The following DTNB variants were observed in gnomAD, a reference collection of about 807,000 sequenced individuals.
DTNB encodes the protein DTN-B.
Under a neutral mutation model 90.7 loss-of-function variants are expected in DTNB, and 63 were observed. The ratio of observed to expected loss-of-function variants is 0.69; its 90% CI spans 0.57 to 0.86. The LOEUF is 0.86. Among genes scored for constraint, DTNB ranks in the 40% least tolerant of loss-of-function variants. DTNB has a pLI of 0.00. For missense variants in DTNB, 744 were observed against 807.1 expected, an observed-to-expected ratio of 0.92 and a Z score of 0.95; for synonymous variants, 277 against 286.7, an observed-to-expected ratio of 0.97 and a Z score of 0.34.
At chr2:25,484,979 T>C (rs1428702520) in intron 9 of DTNB, among the ~76,000 whole-genome samples, 1 of 152,214 alleles carries the variant, frequency 6.6e-6, no homozygotes, top group Non-Finnish European at 1.5e-5. Context: ...AGTTCTCTTA[T>C]ATCAATTGTC....
At chr2:25,510,019 G>A (rs1019035931) in intron 9 of DTNB, among the ~76,000 whole-genome samples, 1 of 151,892 alleles carries the variant, frequency 6.6e-6, no homozygotes, top group Non-Finnish European at 1.5e-5. Context: ...TCAAAGTGCT[G>A]GGATTACAGG....
chr2:25,591,848 A>C (rs2063627660), intron 6 of DTNB, among the ~76,000 whole-genome samples: 2 of 151,868 alleles, frequency 1.3e-5, no homozygotes, highest in Admixed American at 1.3e-4. Context: ...ATCACCTGAG[A>C]TCAGGAGGTC....
chr2:25,460,562 GA>G (rs552722609), intron 10 of DTNB, among the ~76,000 whole-genome samples: 173 of 152,106 alleles, frequency 1.1e-3, no homozygotes, highest in Non-Finnish European at 1.7e-3. Context: ...GAAGAAATGA[GA>G]AAAACTAGGA....
At chr2:25,470,428 T>C (rs911025308) in intron 10 of DTNB, among the ~76,000 whole-genome samples, 1 of 147,460 alleles carries the variant, frequency 6.8e-6, no homozygotes, top group Non-Finnish European at 1.5e-5. Context: ...CAGGCTGGAG[T>C]GCAGTGGTGT....
intron 9 of DTNB, among the ~76,000 whole-genome samples, chr2:25,489,401 A>G (rs1262540536): frequency 6.6e-6 from 1 of 152,236 alleles, no homozygotes; most frequent in South Asian, 2.1e-4. Flanking sequence ...AAGAAGAAAA[A>G]TTTAGAAAAA....
At chr2:25,634,542 C>G (rs1370860848) in intron 3 of DTNB, among the ~76,000 whole-genome samples, 8 of 146,876 alleles carry the variant, frequency 5.4e-5, no homozygotes, top group East Asian at 4.4e-4. Context: ...GGCCACCACC[C>G]CGTCTGGGAG....
chr2:25,511,669 T>A (rs1335767556), intron 9 of DTNB, among the ~76,000 whole-genome samples: 1 of 152,184 alleles, frequency 6.6e-6, no homozygotes, highest in Non-Finnish European at 1.5e-5. Context: ...GAACTGATAC[T>A]TCATACAGTA....
chr2:25,473,690 T>C (rs553423707), intron 10 of DTNB, among the ~76,000 whole-genome samples: 41 of 152,348 alleles, frequency 2.7e-4, no homozygotes, highest in African/African-American at 8.4e-4. Context: ...ACAAAAACGA[T>C]GGTCTGGTTC....
chr2:25,411,219 C>T (rs921646376), intron 16 of DTNB, among the ~76,000 whole-genome samples: 1 of 151,842 alleles, frequency 6.6e-6, no homozygotes, highest in Non-Finnish European at 1.5e-5. Flanking sequence ...ATTAGCTGGG[C>T]GTGGTGGCGT....
At chr2:25,516,265 G>A (rs1288436629) in intron 9 of DTNB, among the ~76,000 whole-genome samples, 2 of 151,910 alleles carry the variant, frequency 1.3e-5, no homozygotes, top group Non-Finnish European at 2.9e-5. Flanking sequence ...TTTCTTTGTT[G>A]AGACAGGGTT....
rs1327724423 is a variant in DTNB at position 25,531,518 on chromosome 2, A to G, written c.956T>C (p.Val319Ala). 1.2e-6 allele frequency: 2 copies of G among 1,613,798 alleles called. No homozygotes were observed. Among genetic ancestry groups the G allele is most frequent in the East Asian group, 4.5e-5 (2 of 44,896 alleles). ...CVPTREPPHP[V>A]FPEQPEKPLD... ...TGGTTTCTCTGGTTGCTCAGGAAAA[A>G]CAGGATGCGGGGGTTCTCTCGTGGG... Residue 319 changes from valine (V) to alanine (A), a missense_variant, in exon 9 of 21, where the codon GTT becomes GCT. Physicochemically the swap from Val to Ala is moderately conservative, Grantham distance 64. Coordinates refer to ENST00000406818, the MANE Select transcript of DTNB (RefSeq NM_021907.5).
chr2:25,416,895 A>G (rs544772138), intron 16 of DTNB, among the ~76,000 whole-genome samples: 20 of 152,154 alleles, frequency 1.3e-4, no homozygotes, highest in African/African-American at 3.9e-4. Context: ...AAATACGCCT[A>G]TGTTTTGGCC....
intron 8 of DTNB, among the ~76,000 whole-genome samples, chr2:25,539,690 TCTG>T (rs890592710): frequency 6.6e-6 from 1 of 151,812 alleles, no homozygotes; most frequent in Non-Finnish European, 1.5e-5. Context: ...TGTTTCTCAC[TCTG>T]CTATGTTTTT....
intron 8 of DTNB, among the ~76,000 whole-genome samples, chr2:25,538,868 C>A (rs553259683): frequency 6.6e-6 from 1 of 152,180 alleles, no homozygotes; most frequent in Admixed American, 6.5e-5. Context: ...TAACACTATA[C>A]CCCACTCCCA....
At chr2:25,390,286 T>C (rs1454868707) in intron 16 of DTNB, among the ~76,000 whole-genome samples, 2 of 152,212 alleles carry the variant, frequency 1.3e-5, no homozygotes, top group African/African-American at 4.8e-5. Flanking sequence ...ATAGTAACTA[T>C]AAGAGCTAAA....
chr2:25,646,111 AG>A (rs2079378294), intron 2 of DTNB, among the ~76,000 whole-genome samples: 1 of 152,206 alleles, frequency 6.6e-6, no homozygotes, highest in Non-Finnish European at 1.5e-5. Context: ...AGGCCATGAT[AG>A]GAAGTTGGGA....
intron 8 of DTNB, among the ~76,000 whole-genome samples, chr2:25,546,195 G>A (rs944586655): frequency 2.6e-5 from 4 of 152,124 alleles, no homozygotes; most frequent in African/African-American, 7.2e-5. Flanking sequence ...GTCTGCAACC[G>A]TCCTTTGCAT....
chr2:25,404,655 G>A (rs2044597590), intron 16 of DTNB, among the ~76,000 whole-genome samples: 1 of 152,132 alleles, frequency 6.6e-6, no homozygotes, highest in African/African-American at 2.4e-5. Context: ...AGGAGTTCAA[G>A]ACCAGCCTGG....
At chr2:25,577,730 T>C (rs768884555) in intron 7 of DTNB, among the ~76,000 whole-genome samples, 1 of 151,922 alleles carries the variant, frequency 6.6e-6, no homozygotes, top group Non-Finnish European at 1.5e-5. Flanking sequence ...AGGCCAGGCA[T>C]GGTGGCTCAC....
Sources: gnomAD v4.1 joint callset for allele counts (sites outside exome capture counted in the v4.1 genomes callset) on GRCh38, gnomAD v4.1.1 for gene constraint, MANE v1.5 for transcripts, NCBI Gene and HGNC (gene_info 2026-07-23, HGNC 2026-07-21) for gene names.